The following DNAH6 variants were observed in gnomAD, a reference collection of about 807,000 sequenced individuals.
DNAH6 encodes the protein dynein axonemal heavy chain 6.
A neutral mutation model predicts 491.4 loss-of-function variants in DNAH6; 340 were observed. The observed-to-expected ratio is 0.69, with a 90% CI of 0.63 to 0.76. DNAH6 has a LOEUF of 0.76. DNAH6 is among the 30% of genes least tolerant of loss of function. The probability of loss-of-function intolerance (pLI) is 0.00; values close to 1 mark genes in which losing one functional copy is unlikely to be tolerated. For missense variants in DNAH6, 4,443 were observed against 4,972.2 expected (o/e 0.89, Z 3.20); for synonymous variants, 1,603 against 1,686.1 (o/e 0.95, Z 1.21).
chr2:84,683,030 C>A (rs1218917111), intron 42 of DNAH6, among the ~76,000 whole-genome samples: 1 of 151,732 alleles, frequency 6.6e-6, no homozygotes, highest in African/African-American at 2.4e-5. Flanking sequence ...GCCCAGGGAC[C>A]GCTGTACATT....
chr2:84,619,085 A>G (rs1402146214), intron 23 of DNAH6, among the ~76,000 whole-genome samples: 1 of 152,348 alleles, frequency 6.6e-6, no homozygotes, highest in Non-Finnish European at 1.5e-5. Context: ...TGGAATATAT[A>G]TAAATGTTTT....
At chr2:84,783,329 G>A (rs1451629946) in intron 65 of DNAH6, among the ~76,000 whole-genome samples, 1 of 152,136 alleles carries the variant, frequency 6.6e-6, no homozygotes, top group Non-Finnish European at 1.5e-5. Flanking sequence ...TTCTAGTCCA[G>A]CCCTAAAATT....
chr2:84,627,791 A>G (rs1688020623), intron 29 of DNAH6, among the ~76,000 whole-genome samples: 1 of 151,834 alleles, frequency 6.6e-6, no homozygotes. Context: ...TCTGTTCTCC[A>G]CTTCTCTTAC....
chr2:84,741,808 CT>C (rs1313919102), intron 62 of DNAH6, among the ~76,000 whole-genome samples: 50 of 152,204 alleles, frequency 3.3e-4, no homozygotes, highest in Non-Finnish European at 5.9e-5. Context: ...TGTGGGTTCC[CT>C]TTCTAGAGAA....
rs1696607938 is a variant in DNAH6, at chr2:84,707,653, C to T, written c.8985C>T (p.Asn2995=). The stretch of plus-strand genomic sequence containing the variant: ...AAGAAATATCAAATATCACTGGGAA[C>T]GTGTTCATAGCAGCAGCTTGTGTGG... ...FEEEISNITG[N]VFIAAACVAY... is the part of the protein sequence containing the mutation. The change falls in exon 54 of 77, where the codon AAC becomes AAT. Residue 2995 remains asparagine (N), a synonymous_variant. Coordinates refer to ENST00000389394, the MANE Select transcript of DNAH6 (RefSeq NM_001370.2). The T allele has an allele frequency of 3.2e-6, 5 of 1,552,324 alleles. No homozygotes were observed. The highest frequency in any genetic ancestry group is 2.4e-5 in the East Asian group (1 of 40,926).
At chr2:84,644,520 A>T (rs375876269) in intron 33 of DNAH6, among the ~76,000 whole-genome samples, 1 of 151,860 alleles carries the variant, frequency 6.6e-6, no homozygotes, top group Non-Finnish European at 1.5e-5. Flanking sequence ...GGTTTGCTGC[A>T]CAGATCATCC....
intron 1 of DNAH6, among the ~76,000 whole-genome samples, chr2:84,517,068 A>G (rs1336117877): frequency 1.3e-5 from 2 of 152,092 alleles, no homozygotes; most frequent in South Asian, 4.1e-4. Flanking sequence ...AAGCTCTCAT[A>G]TTTCTATTGG....
In DNAH6 at chr2:84,550,070, A is replaced by G; in HGVS notation, c.1485+13A>G. On this transcript the variant is annotated intron_variant, in intron 9 of 76. Coordinates refer to ENST00000389394, the MANE Select transcript of DNAH6 (RefSeq NM_001370.2). ...CCCTGATAAAAAGGTATACTCACACAAAATTAAGAATATTTTATTGGTCAG... is the reference window on the plus strand; with the variant it reads ...CCCTGATAAAAAGGTATACTCACACGAAATTAAGAATATTTTATTGGTCAG... The G allele has an allele frequency of 6.3e-7, 1 of 1,599,324 alleles. No homozygotes were observed. The highest frequency in any genetic ancestry group is 8.6e-7 in the Non-Finnish European group (1 of 1,168,872).
intron 40 of DNAH6, among the ~76,000 whole-genome samples, chr2:84,676,519 T>A (rs993381896): frequency 1.3e-5 from 2 of 152,174 alleles, no homozygotes; most frequent in African/African-American, 2.4e-5. Context: ...ATAAGGCATT[T>A]TAAACAGAAA....
At position 84,808,466 on chromosome 2, in the gene DNAH6, A is replaced by C. The variant is rs1328249936; in HGVS notation, c.11663A>C (p.Gln3888Pro). ...GAGAGCCTTTTTGTCAAGGATCTTC[A>C]AGGACGTCTGAACTCCTTGACCACC... ...ASESLFVKDL[Q>P]GRLNSLTTVL... Residue 3888 changes from glutamine (Q) to proline (P), a missense_variant, in exon 72 of 77, where the codon CAA becomes CCA. This residue lies in a region of DNAH6 where 1,463 missense variants were observed against 1,656.6 expected (regional missense o/e 0.88). Coordinates refer to ENST00000389394, the MANE Select transcript of DNAH6 (RefSeq NM_001370.2). The C allele has an allele frequency of 2.9e-5, 45 of 1,546,622 alleles. No individual in the cohort carries two copies. Among genetic ancestry groups the C allele is most frequent in the Non-Finnish European group, 3.5e-5 (40 of 1,145,764 alleles).
intron 46 of DNAH6, among the ~76,000 whole-genome samples, chr2:84,697,212 G>A (rs1047428296): frequency 3.9e-5 from 6 of 152,158 alleles, no homozygotes; most frequent in African/African-American, 1.4e-4. Flanking sequence ...CCGTGCAAAT[G>A]TATGGTGCAT....
chr2:84,605,142 T>C (rs1438708708), intron 19 of DNAH6, among the ~76,000 whole-genome samples: 2 of 149,434 alleles, frequency 1.3e-5, no homozygotes, highest in Non-Finnish European at 3.0e-5. Context: ...GGTCAGGAGA[T>C]CAAGACTATC....
At chr2:84,614,305 T>C (rs983996388) in intron 22 of DNAH6, among the ~76,000 whole-genome samples, 7 of 152,136 alleles carry the variant, frequency 4.6e-5, no homozygotes, top group Non-Finnish European at 8.8e-5. Flanking sequence ...CATTCCTGAG[T>C]TACTTCACTT....
intron 61 of DNAH6, among the ~76,000 whole-genome samples, chr2:84,729,271 TA>T (rs1698929788): frequency 6.6e-6 from 1 of 152,214 alleles, no homozygotes; most frequent in East Asian, 1.9e-4. Flanking sequence ...TAGTCTATGA[TA>T]AGATAGTTAG....
intron 45 of DNAH6, among the ~76,000 whole-genome samples, chr2:84,689,570 G>A (rs1275137283): frequency 1.3e-5 from 2 of 152,192 alleles, no homozygotes; most frequent in African/African-American, 4.8e-5. Flanking sequence ...GCAAGACAGA[G>A]CCAGGCAGAA....
chr2:84,601,954 C>T (rs879276982), intron 18 of DNAH6, among the ~76,000 whole-genome samples: 15 of 151,546 alleles, frequency 9.9e-5, no homozygotes, highest in Non-Finnish European at 1.8e-4. Flanking sequence ...ATAATTAATC[C>T]AAATCAATTA....
At chr2:84,565,948 G>A (rs1681156937) in intron 11 of DNAH6, among the ~76,000 whole-genome samples, 1 of 151,658 alleles carries the variant, frequency 6.6e-6, no homozygotes, top group Non-Finnish European at 1.5e-5. Flanking sequence ...TTCATGGTAG[G>A]TCCTTTTTCA....
At chr2:84,672,949 T>C (rs1324194234) in intron 40 of DNAH6, among the ~76,000 whole-genome samples, 1 of 152,154 alleles carries the variant, frequency 6.6e-6, no homozygotes. Flanking sequence ...TCAGTCTATA[T>C]TGAGTTTTTG....
At chr2:84,598,111 GTTCT>G (rs1201759429) in intron 18 of DNAH6, among the ~76,000 whole-genome samples, 1 of 133,318 alleles carries the variant, frequency 7.5e-6, no homozygotes, top group East Asian at 2.2e-4. Context: ...GGAACTCGTG[GTTCT>G]TTCTATCTTT....
Sources: gnomAD v4.1 joint callset for allele counts (sites outside exome capture counted in the v4.1 genomes callset) on GRCh38, gnomAD v4.1.1 for gene constraint, gnomAD v4.1.1 regional missense constraint, MANE v1.5 for transcripts, NCBI Gene and HGNC (gene_info 2026-07-23, HGNC 2026-07-21) for gene names.